The following MT1B variants were observed in gnomAD, a reference collection of about 807,000 sequenced individuals.
MT1B encodes the protein metallothionein-1B.
A neutral mutation model predicts 7.9 loss-of-function variants in MT1B; 4 were observed. That is an observed-to-expected ratio of 0.51 (90% CI 0.25 to 1.16). The LOEUF (loss-of-function observed/expected upper bound fraction) is 1.16. Among genes scored for constraint, MT1B ranks in the 50% most tolerant of loss-of-function variants. The pLI is 0.15. For synonymous variants in MT1B, 22 were observed against 27.6 expected, an observed-to-expected ratio of 0.80 and a Z score of 0.63; for missense variants, 76 against 75.2, an observed-to-expected ratio of 1.01 and a Z score of -0.04.
intron 1 of MT1B, 82 bp downstream of exon 1, chr16:56,652,063 T>C (rs1254875238): frequency 2.6e-6 from 4 of 1,557,582 alleles, no homozygotes; most frequent in Non-Finnish European, 3.5e-6. Context: ...GAAGGTTGCA[T>C]TATGAGATGT....
chr16:56,652,860 C>A lies in MT1B; in HGVS notation c.95-114C>A, dbSNP rs900575464. The stretch of plus-strand genomic sequence containing the variant: ...TACCATCAGAACACAGCTGTGCCAG[C>A]CTAAAAATGCATCCTCTGGGTGTGG... On this transcript the variant is annotated intron_variant, in intron 2 of 2. Transcript: ENST00000334346. The A allele has an allele frequency of 5.4e-6, 7 of 1,300,412 alleles. No individual in the cohort carries two copies. In the African/African-American group the frequency reaches 8.7e-5, roughly 16 times the overall value. The allele number at this position is 1,300,412 out of a possible 1,614,324, so 80.6% of individuals were successfully genotyped here.
At chr16:56,652,462 C>G (rs1047874852) in intron 1 of MT1B, 109 bp from the exon 2 acceptor site, 1 of 1,061,202 alleles carries the variant, frequency 9.4e-7, no homozygotes, top group East Asian at 2.4e-5. Context: ...GGGAAAGGAG[C>G]TCTGATGGCT....
Position 56,653,193 on chromosome 16 carries a change from CT to C in MT1B, c.*132del. ...TCAATATGTGAAAGACAATAAAACA[CT>C]TTTGACTTGATTCTGACTCTCCTTT... is the stretch of plus-strand genomic sequence containing the variant. On this transcript the variant is annotated 3_prime_UTR_variant, in exon 3 of 3. Coordinates refer to ENST00000334346, the MANE Select transcript of MT1B (RefSeq NM_005947.3). The C allele has an allele frequency of 1.2e-6, 1 of 833,526 alleles. No individual in the cohort carries two copies. The allele number at this position is 833,526 out of a possible 1,614,324, so 51.6% of individuals were successfully genotyped here.
At chr16:56,652,727 T>G (rs1960570848) in intron 2 of MT1B, 91 bp downstream of exon 2, 2 of 1,496,430 alleles carry the variant, frequency 1.3e-6, no homozygotes, top group Admixed American at 3.3e-5. Flanking sequence ...TTTTGGGAAC[T>G]GGTCTTCCTT....
Position 56,653,132 on chromosome 16 carries a change from A to G in MT1B, c.*67A>G. On this transcript the variant is annotated 3_prime_UTR_variant, in exon 3 of 3. Coordinates refer to ENST00000334346, the MANE Select transcript of MT1B (RefSeq NM_005947.3). ...GTACTAACCTGGATTTTTTTTTTTA[A>G]CTACCCTGACCGGTTTGCTACATTC... 6.9e-7 allele frequency: 1 copy of G among 1,449,774 alleles called. No individual in the cohort carries two copies. The highest frequency in any genetic ancestry group is 9.6e-7 in the Non-Finnish European group (1 of 1,039,400). The allele number at this position is 1,449,774 out of a possible 1,614,324, so 89.8% of individuals were successfully genotyped here.
At chr16:56,652,007 T>C in intron 1 of MT1B, 26 bp downstream of exon 1, 5 of 1,613,938 alleles carry the variant, frequency 3.1e-6, no homozygotes, top group Non-Finnish European at 4.2e-6. Flanking sequence ...CTCTGGGCCT[T>C]GAGATGCCCA....
At chr16:56,652,266 G>A (rs920787212) in intron 1 of MT1B, among the ~76,000 whole-genome samples, 54 of 152,366 alleles carry the variant, frequency 3.5e-4, no homozygotes, top group African/African-American at 1.1e-3. Flanking sequence ...TGAGCAGCCG[G>A]GAAGGGTGAG....
intron 2 of MT1B, 43 bp from the exon 3 acceptor site, chr16:56,652,931 G>A (rs376095905): frequency 1.3e-6 from 2 of 1,599,612 alleles, no homozygotes; most frequent in Non-Finnish European, 1.7e-6. Flanking sequence ...AGAGGTTCCT[G>A]GTCAAGTCAG....
intron 1 of MT1B, 22 bp downstream of exon 1, chr16:56,652,003 G>A (rs889369583): frequency 6.2e-7 from 1 of 1,614,032 alleles, no homozygotes; most frequent in Non-Finnish European, 8.5e-7. Context: ...CTGGCTCTGG[G>A]CCTTGAGATG....
chr16:56,652,561 T>C lies in MT1B; in HGVS notation c.29-10T>C. 1 of 1,613,518 alleles carries C rather than the reference T, an allele frequency of 6.2e-7. No homozygotes were observed. ...ACTCACTGCCCACTGCCTTTTTCGC[T>C]TCCTTGCAGGTGGCTCCTGTGCCTG... On this transcript the variant is annotated splice_polypyrimidine_tract_variant and intron_variant, in intron 1 of 2. Coordinates refer to ENST00000334346, the MANE Select transcript of MT1B (RefSeq NM_005947.3).
Position 56,652,631 on chromosome 16 carries a change from AG to A in MT1B, c.90del (p.Lys31SerfsTer54). 1 of 1,613,916 alleles carries A rather than the reference AG, an allele frequency of 6.2e-7. No individual in the cohort carries two copies. Among genetic ancestry groups the A allele is most frequent in the Non-Finnish European group, 8.5e-7 (1 of 1,179,872 alleles). On this transcript the variant is annotated frameshift_variant, in exon 2 of 3. Coordinates refer to ENST00000334346, the MANE Select transcript of MT1B (RefSeq NM_005947.3). LOFTEE classifies it high-confidence loss of function. ...AAAGAGTGCAAATGTACCTCCTGCA[AG>A]AAGTGTGAGTGTGGGATCATCTCCA... ...KCKECKCTSCKKCCCSCCPVG... is the reference protein window; with the variant it reads ...KCKECKCTSCXKCCCSCCPVG...
Position 56,652,547 on chromosome 16 carries a change from A to T in MT1B, c.29-24A>T, listed in dbSNP as rs746320445. ...ACCTTCTGCATCTTACTCACTGCCC[A>T]CTGCCTTTTTCGCTTCCTTGCAGGT... On this transcript the variant is annotated intron_variant, in intron 1 of 2. Transcript: ENST00000334346. The T allele has an allele frequency of 5.6e-6, 9 of 1,612,442 alleles. No homozygotes were observed. The East Asian group carries it at 1.6e-4, about 28-fold the overall frequency.
chr16:56,652,165 T>C (rs1397837057), intron 1 of MT1B, among the ~76,000 whole-genome samples, 184 bp downstream of exon 1: 1 of 152,134 alleles, frequency 6.6e-6, no homozygotes, highest in African/African-American at 2.4e-5. Context: ...TAAGTCAGAG[T>C]TGGGGATTCT....
At position 56,653,027 on chromosome 16, in the gene MT1B, T is replaced by G; in HGVS notation, c.148T>G (p.Cys50Gly). 1 of 1,613,840 alleles carries G rather than the reference T, an allele frequency of 6.2e-7. No individual in the cohort carries two copies. Among genetic ancestry groups the G allele is most frequent in the Non-Finnish European group, 8.5e-7 (1 of 1,179,988 alleles). Reference protein sequence around the residue: ...GCAKCAQGCVCKGSSEKCRCC... With the variant: ...GCAKCAQGCVGKGSSEKCRCC... ...TGCCAAGTGTGCCCAGGGCTGTGTCTGCAAAGGCTCATCAGAGAAGTGCCG... is the reference window on the plus strand; with the variant it reads ...TGCCAAGTGTGCCCAGGGCTGTGTCGGCAAAGGCTCATCAGAGAAGTGCCG... The change falls in exon 3 of 3, where the codon TGC becomes GGC. Residue 50 changes from cysteine (C) to glycine (G), a missense_variant. By Grantham distance (159) the Cys-to-Gly change is radical (BLOSUM62 -3). Transcript: ENST00000334346.
In MT1B at chr16:56,653,119, A is replaced by ATTT; in HGVS notation, c.*63_*65dup. Reference sequence around the variant, plus strand: ...AATAGAGCAACCAGTACTAACCTGGATTTTTTTTTTTAACTACCCTGACCG... The same window carrying ATTT: ...AATAGAGCAACCAGTACTAACCTGGATTTTTTTTTTTTTTAACTACCCTGACCG... On this transcript the variant is annotated 3_prime_UTR_variant, in exon 3 of 3. Transcript: ENST00000334346. 2.1e-6 allele frequency: 3 copies of ATTT among 1,401,036 alleles called. No individual in the cohort carries two copies. The highest frequency in any genetic ancestry group is 2.9e-6 in the Non-Finnish European group (3 of 1,021,090). The allele number at this position is 1,401,036 out of a possible 1,614,324, so 86.8% of individuals were successfully genotyped here.
intron 2 of MT1B, 40 bp downstream of exon 2, chr16:56,652,676 T>C (rs1475946994): frequency 6.2e-6 from 10 of 1,610,890 alleles, no homozygotes; most frequent in Admixed American, 1.7e-5. Flanking sequence ...GGGCTGTGGC[T>C]AAGCTTGGAA....
At chr16:56,652,227 G>C (rs1473804125) in intron 1 of MT1B, among the ~76,000 whole-genome samples, 2 of 152,226 alleles carry the variant, frequency 1.3e-5, no homozygotes, top group African/African-American at 2.4e-5. Context: ...GGGGGCTGCT[G>C]GCTGCGCCCC....
Position 56,652,505 on chromosome 16 carries a change from C to G in MT1B, c.29-66C>G, listed in dbSNP as rs1960566769. 4.1e-6 allele frequency: 6 copies of G among 1,476,636 alleles called. No homozygotes were observed. The East Asian group carries it at 1.4e-4, about 34-fold the overall frequency. The allele number at this position is 1,476,636 out of a possible 1,614,324, so 91.5% of individuals were successfully genotyped here. On this transcript the variant is annotated intron_variant, in intron 1 of 2. Transcript: ENST00000334346. ...CACAGAGGATGGCGCACTGGACACT[C>G]ATGGACTCACTGCTGTACCTTCTGC...
intron 1 of MT1B, 95 bp from the exon 2 acceptor site, chr16:56,652,476 C>T: frequency 2.5e-6 from 3 of 1,202,560 alleles, no homozygotes; most frequent in Non-Finnish European, 2.5e-6. Flanking sequence ...GATGGCTGGC[C>T]CTGCACAGAG....
Sources: allele counts gnomAD v4.1 joint callset (sites outside exome capture counted in the v4.1 genomes callset), GRCh38; gene constraint gnomAD v4.1.1; transcripts MANE v1.5; gene names NCBI Gene and HGNC (gene_info 2026-07-23, HGNC 2026-07-21).